Variants in CNOT2 observed in about 807,000 individuals in gnomAD.
CNOT2 encodes the protein CC chemokine receptor 4-negative regulator of transcription 2.
CNOT2 carries 7 observed loss-of-function variants against 72.1 expected under a neutral mutation model. That is an observed-to-expected ratio of 0.10 (90% CI 0.06 to 0.18). CNOT2 has a LOEUF of 0.18. Among genes scored for constraint, CNOT2 ranks in the 10% least tolerant of loss-of-function variants. CNOT2 has a pLI of 1.00. For synonymous variants in CNOT2, 196 were observed against 225.6 expected, an observed-to-expected ratio of 0.87 and a Z score of 1.17; for missense variants, 345 against 660.3, an observed-to-expected ratio of 0.52 and a Z score of 5.23.
intron 2 of CNOT2, among the ~76,000 whole-genome samples, chr12:70,284,576 CTTT>C (rs34386691): frequency 2.0e-4 from 19 of 94,998 alleles, no homozygotes; most frequent in Admixed American, 4.0e-4. Context: ...AAAATTTGAC[CTTT>C]TTTTTTTTTT....
chr12:70,302,850 T>TA (rs1473083767), intron 2 of CNOT2, among the ~76,000 whole-genome samples: 4 of 145,932 alleles, frequency 2.7e-5, no homozygotes, highest in Non-Finnish European at 6.1e-5. Context: ...TGTGGGAGTC[T>TA]AAGTCTCTTT....
chr12:70,304,175 A>G (rs1874737222), intron 2 of CNOT2, among the ~76,000 whole-genome samples: 1 of 150,090 alleles, frequency 6.7e-6, no homozygotes. Context: ...GAGTAGTTTG[A>G]TCTTCTGAAG....
chr12:70,295,786 T>C (rs966372111), intron 2 of CNOT2, among the ~76,000 whole-genome samples: 2 of 152,182 alleles, frequency 1.3e-5, no homozygotes, highest in Non-Finnish European at 2.9e-5. Flanking sequence ...ATAATTAGAA[T>C]TTTGGTTTTA....
At chr12:70,284,575 CCT>C (rs1491325532) in intron 2 of CNOT2, among the ~76,000 whole-genome samples, 1,720 of 140,590 alleles carry the variant, frequency 0.012, 18 homozygotes, top group African/African-American at 0.025. Flanking sequence ...TAAAATTTGA[CCT>C]TTTTTTTTTT....
At chr12:70,341,707 T>C (rs1424548978) in intron 11 of CNOT2, among the ~76,000 whole-genome samples, 1 of 152,184 alleles carries the variant, frequency 6.6e-6, no homozygotes, top group Non-Finnish European at 1.5e-5. Context: ...TGCAAATAGT[T>C]ACTCAGTTTT....
intron 1 of CNOT2, among the ~76,000 whole-genome samples, chr12:70,247,079 TA>T (rs1957912175): frequency 2.0e-5 from 3 of 152,186 alleles, no homozygotes; most frequent in Admixed American, 1.3e-4. Context: ...TGTATATGCG[TA>T]GACTCAGGAT....
At chr12:70,346,111 C>A in intron 14 of CNOT2, 69 bp from the exon 15 acceptor site, 1 of 1,032,644 alleles carries the variant, frequency 9.7e-7, no homozygotes, top group Non-Finnish European at 1.4e-6. Flanking sequence ...GAAAGCTTTA[C>A]AAAATGTAGA....
intron 6 of CNOT2, among the ~76,000 whole-genome samples, chr12:70,331,963 T>C (rs192817818): frequency 1.3e-4 from 20 of 151,730 alleles, no homozygotes; most frequent in African/African-American, 4.8e-4. Flanking sequence ...CTCTAAGTTC[T>C]GCCTTATTTT....
intron 15 of CNOT2, among the ~76,000 whole-genome samples, chr12:70,353,256 A>G (rs911524509): frequency 2.0e-5 from 3 of 151,858 alleles, no homozygotes; most frequent in Non-Finnish European, 4.4e-5. Flanking sequence ...TATTTTTAGT[A>G]CAGACGGGGT....
At chr12:70,245,663 T>C (rs1030110418) in intron 1 of CNOT2, among the ~76,000 whole-genome samples, 6 of 152,156 alleles carry the variant, frequency 3.9e-5, no homozygotes, top group African/African-American at 1.4e-4. Context: ...GTATGAGTGA[T>C]TTATATCCCC....
At chr12:70,311,628 C>G (rs1876477703) in intron 3 of CNOT2, among the ~76,000 whole-genome samples, 1 of 151,922 alleles carries the variant, frequency 6.6e-6, no homozygotes, top group South Asian at 2.1e-4. Context: ...GCAACCAAGT[C>G]ATAATTAGCA....
At chr12:70,252,955 ATACTC>A (rs1958222528) in intron 1 of CNOT2, among the ~76,000 whole-genome samples, 1 of 152,124 alleles carries the variant, frequency 6.6e-6, no homozygotes, top group Non-Finnish European at 1.5e-5. Flanking sequence ...AGAGTGCACT[ATACTC>A]TTTTTTGTAT....
At chr12:70,272,370 C>T (rs1324971031) in intron 1 of CNOT2, among the ~76,000 whole-genome samples, 1 of 152,066 alleles carries the variant, frequency 6.6e-6, no homozygotes, top group East Asian at 1.9e-4. Flanking sequence ...GACATGTTAA[C>T]GTCAAGAAGC....
At chr12:70,311,863 A>G (rs922887171) in intron 3 of CNOT2, among the ~76,000 whole-genome samples, 18 of 151,958 alleles carry the variant, frequency 1.2e-4, no homozygotes, top group African/African-American at 4.3e-4. Flanking sequence ...TGATGTTTGA[A>G]GCATTTATAA....
At chr12:70,343,710 A>G (rs1311297953) in intron 13 of CNOT2, among the ~76,000 whole-genome samples, 1 of 152,200 alleles carries the variant, frequency 6.6e-6, no homozygotes, top group African/African-American at 2.4e-5. Context: ...ACATTTGACA[A>G]GTAAAGCTAA....
chr12:70,244,394 A>G (rs531696755), intron 1 of CNOT2: 58 of 152,354 alleles, frequency 3.8e-4, no homozygotes, highest in African/African-American at 1.4e-3. Context: ...TCTTCATTGA[A>G]GCACTGTTGT....
chr12:70,339,091 T>TATAC lies in CNOT2; in HGVS notation c.1178+270_1178+271insTACA, dbSNP rs371015394. Among the ~76,000 whole-genome samples, 4,726 of 138,200 alleles carry TATAC rather than the reference T, an allele frequency of 0.034. 443 individuals are homozygous for TATAC. The East Asian group carries it at 0.39, about 12-fold the overall frequency. 90.7% of individuals were successfully genotyped at this position (138,200 alleles called of 152,430 possible). A position where few individuals can be genotyped will look rare whatever the true frequency, so the allele number is the denominator to read the frequency against. The stretch of plus-strand genomic sequence containing the variant: ...ATGTGTGTGTGTATATATATATATA[T>TATAC]ACACACACACACACACACACACCTT... On this transcript the variant is annotated intron_variant, in intron 11 of 15. Coordinates refer to ENST00000229195, the MANE Select transcript of CNOT2 (RefSeq NM_014515.7).
chr12:70,269,288 AG>A (rs1258722169), intron 1 of CNOT2, among the ~76,000 whole-genome samples: 1 of 148,650 alleles, frequency 6.7e-6, no homozygotes, highest in East Asian at 2.0e-4. Flanking sequence ...TTTTTTTTTA[AG>A]CTTTTTTTTT....
chr12:70,284,062 C>T lies in CNOT2; in HGVS notation c.48+5788C>T, dbSNP rs138720303. ...GTTGAAGCGATTCTCCTGCCTCAGCCTCCTGAGTAGCTGGGATTACAGGCA... is the reference window on the plus strand; with the variant it reads ...GTTGAAGCGATTCTCCTGCCTCAGCTTCCTGAGTAGCTGGGATTACAGGCA... On this transcript the variant is annotated intron_variant, in intron 2 of 15. Transcript: ENST00000229195. Among the ~76,000 whole-genome samples the T allele has an allele frequency of 2.6e-5, 4 of 151,208 alleles. No individual in the cohort carries two copies. The South Asian group carries it at 8.4e-4, about 32-fold the overall frequency.
Sources: allele counts gnomAD v4.1 joint callset (sites outside exome capture counted in the v4.1 genomes callset), GRCh38; gene constraint gnomAD v4.1.1; transcripts MANE v1.5; gene names NCBI Gene and HGNC (gene_info 2026-07-23, HGNC 2026-07-21).